The following HUWE1 variants were observed in gnomAD, a reference collection of about 807,000 sequenced individuals.
HUWE1 encodes HECT, UBA and WWE domain containing E3 ubiquitin protein ligase 1, also known as E3 ubiquitin-protein ligase HUWE1.
A neutral mutation model predicts 299.4 loss-of-function variants in HUWE1; 18 were observed. That is an observed-to-expected ratio of 0.06 (90% CI 0.04 to 0.09). The LOEUF (loss-of-function observed/expected upper bound fraction) is 0.09, where lower values mean the gene tolerates loss of function less well. Ranked by LOEUF, HUWE1 falls within the 10% of genes least tolerant of loss-of-function variation. The probability of loss-of-function intolerance (pLI) is 1.00; values close to 1 mark genes in which losing one functional copy is unlikely to be tolerated. For synonymous variants in HUWE1, 1,317 were observed against 1,286.1 expected (o/e 1.02, Z -0.51); for missense variants, 1,832 against 3,462.3 (o/e 0.53, Z 11.82).
intron 73 of HUWE1, chrX:53,542,797 G>A (rs1370335991): frequency 2.6e-6 from 1 of 378,154 alleles, no homozygotes; most frequent in South Asian, 3.4e-5. Context: ...CCAGACCTGT[G>A]ACCAGTCAGA....
intron 58 of HUWE1, 32 bp downstream of exon 58, chrX:53,558,939 A>G: frequency 8.5e-7 from 1 of 1,179,302 alleles, no homozygotes; most frequent in Non-Finnish European, 1.2e-6. Context: ...TGGAAGGCTC[A>G]CTATTGCCCT....
intron 29 of HUWE1, among the ~76,000 whole-genome samples, chrX:53,596,395 T>C (rs2064472583): frequency 8.9e-6 from 1 of 112,408 alleles, no homozygotes; most frequent in Admixed American, 9.4e-5. Flanking sequence ...TAGATACTAG[T>C]CTATTTTATC....
At chrX:53,576,120 G>C (rs971075372) in intron 44 of HUWE1, among the ~76,000 whole-genome samples, 2 of 111,767 alleles carry the variant, frequency 1.8e-5, no homozygotes, top group Non-Finnish European at 3.8e-5. Context: ...TAAGAGATAG[G>C]GTAAAGATTC....
intron 3 of HUWE1, among the ~76,000 whole-genome samples, chrX:53,664,333 G>A (rs1201940379): frequency 8.9e-6 from 1 of 112,300 alleles, no homozygotes; most frequent in African/African-American, 3.2e-5. Context: ...GATTACAGGC[G>A]TTAGCCACTG....
At chrX:53,632,364 A>G (rs1557023468) in intron 9 of HUWE1, 123 bp downstream of exon 9, 4 of 532,693 alleles carry the variant, frequency 7.5e-6, no homozygotes, top group Admixed American at 2.6e-5. Flanking sequence ...GTATATTTAT[A>G]GTTTGCGAGG....
intron 3 of HUWE1, among the ~76,000 whole-genome samples, chrX:53,679,198 T>C (rs1185271363): frequency 1.8e-5 from 2 of 110,880 alleles, no homozygotes; most frequent in Non-Finnish European, 3.8e-5. Flanking sequence ...AGACAGAACC[T>C]GCAGATTAAA....
At chrX:53,618,437 CTAGA>C (rs1464722864) in intron 19 of HUWE1, among the ~76,000 whole-genome samples, 1 of 110,345 alleles carries the variant, frequency 9.1e-6, no homozygotes, top group Non-Finnish European at 1.9e-5. Flanking sequence ...GGAGATTTAA[CTAGA>C]TACAGAAAAA....
At chrX:53,578,900 G>A (rs2063407645) in intron 43 of HUWE1, among the ~76,000 whole-genome samples, 1 of 75,027 alleles carries the variant, frequency 1.3e-5, no homozygotes, top group Non-Finnish European at 2.6e-5. Flanking sequence ...CCGGGAGGGA[G>A]GTGGGGGGAT....
chrX:53,533,228 C>T lies in HUWE1; in HGVS notation c.*81G>A, dbSNP rs2060846494. 2 of 615,827 alleles carry T rather than the reference C, an allele frequency of 3.2e-6. No homozygotes were observed. Among genetic ancestry groups the T allele is most frequent in the Non-Finnish European group, 5.4e-6 (2 of 373,114 alleles). The allele number at this position is 615,827 out of a possible 1,213,427, so 50.8% of individuals were successfully genotyped here. A position where few individuals can be genotyped will look rare whatever the true frequency, so the allele number is the denominator to read the frequency against. ...TTCATTTATTGGTTTTTGACAATTTCTTTCTGGTTCTTTTTTTAACTCCCC... is the reference window on the plus strand; with the variant it reads ...TTCATTTATTGGTTTTTGACAATTTTTTTCTGGTTCTTTTTTTAACTCCCC... On this transcript the variant is annotated 3_prime_UTR_variant, in exon 84 of 84. Coordinates refer to ENST00000262854, the MANE Select transcript of HUWE1 (RefSeq NM_031407.7).
At chrX:53,604,536 T>C in intron 26 of HUWE1, 53 bp downstream of exon 26, 1 of 1,178,863 alleles carries the variant, frequency 8.5e-7, no homozygotes, top group South Asian at 1.8e-5. Flanking sequence ...GTGTATGCCC[T>C]AGATATTTCA....
chrX:53,608,333 T>G (rs2065252810), intron 24 of HUWE1, among the ~76,000 whole-genome samples: 1 of 107,150 alleles, frequency 9.3e-6, no homozygotes, highest in South Asian at 4.3e-4. Flanking sequence ...ACCCAGGAAG[T>G]AATGGGAAAA....
In HUWE1 at chrX:53,568,894, A is replaced by G. The variant is rs782445167; in HGVS notation, c.6525-20T>C. The stretch of plus-strand genomic sequence containing the variant: ...TGAAGCCTGGGAGAGAAGTTTTGAC[A>G]TCTCTATCATATGAATATAGCCATT... On this transcript the variant is annotated intron_variant, in intron 48 of 83. Coordinates refer to ENST00000262854, the MANE Select transcript of HUWE1 (RefSeq NM_031407.7). 6.6e-5 allele frequency: 77 copies of G among 1,158,080 alleles called. 1 individual carries two copies. The Admixed American group carries it at 1.8e-3, about 28-fold the overall frequency.
Position 53,614,614 on chromosome X carries a change from A to G in HUWE1, c.2181T>C (p.Ser727=). 1.7e-6 allele frequency: 2 copies of G among 1,209,322 alleles called. No homozygotes were observed. The highest frequency in any genetic ancestry group is 2.2e-6 in the Non-Finnish European group (2 of 893,630). The part of the protein sequence containing the change: ...RSNHAAEEAS[S]EDEEEEEVQA... Reference sequence around the variant, plus strand: ...GTACTTCCTCTTCCTCCTCATCCTCACTAGAGGCTTCTTCTGCGGCATGAT... The same window carrying G: ...GTACTTCCTCTTCCTCCTCATCCTCGCTAGAGGCTTCTTCTGCGGCATGAT... Residue 727 remains serine, a synonymous_variant, in exon 23 of 84, where the codon AGT becomes AGC. Coordinates refer to ENST00000262854, the MANE Select transcript of HUWE1 (RefSeq NM_031407.7).
intron 47 of HUWE1, among the ~76,000 whole-genome samples, chrX:53,573,348 G>A (rs1217993023): frequency 9.1e-6 from 1 of 109,875 alleles, no homozygotes; most frequent in Non-Finnish European, 1.9e-5. Flanking sequence ...AGTGATTCCC[G>A]CAATCTCTGC....
rs1241199857 is a variant in HUWE1 at position 53,648,386 on chromosome X, C to G, written c.46-76G>C. The G allele has an allele frequency of 2.0e-5, 12 of 589,791 alleles. No individual in the cohort carries two copies. The Admixed American group carries it at 2.1e-4, about 10-fold the overall frequency. 48.6% of individuals were successfully genotyped at this position (589,791 alleles called of 1,213,427 possible). A position where few individuals can be genotyped will look rare whatever the true frequency, so the allele number is the denominator to read the frequency against. Reference sequence around the variant, plus strand: ...AAATAAGGAGAATCAGAAAAGGAACCCTTAAGCTCACACAGCAATTTTCCT... The same window carrying G: ...AAATAAGGAGAATCAGAAAAGGAACGCTTAAGCTCACACAGCAATTTTCCT... On this transcript the variant is annotated intron_variant, in intron 4 of 83. Coordinates refer to ENST00000262854, the MANE Select transcript of HUWE1 (RefSeq NM_031407.7).
At chrX:53,546,924 A>C in intron 68 of HUWE1, 99 bp from the exon 69 acceptor site, 1 of 1,038,505 alleles carries the variant, frequency 9.6e-7, no homozygotes, top group Non-Finnish European at 1.3e-6. Flanking sequence ...CCAGGGCTTC[A>C]AAATGGGAAA....
At chrX:53,637,310 T>TAC (rs1309804760) in intron 7 of HUWE1, among the ~76,000 whole-genome samples, 1 of 112,553 alleles carries the variant, frequency 8.9e-6, no homozygotes, top group Non-Finnish European at 1.9e-5. Context: ...ACCTAATAAG[T>TAC]ACTTCATTAC....
intron 17 of HUWE1, 125 bp from the exon 18 acceptor site, chrX:53,625,383 G>C: frequency 2.0e-6 from 1 of 502,568 alleles, no homozygotes; most frequent in South Asian, 3.0e-5. Flanking sequence ...CATTCGAAGT[G>C]AGGTCTCTGA....
In HUWE1 at chrX:53,549,193, A is replaced by G. The variant is rs1556926205; in HGVS notation, c.9801T>C (p.Arg3267=). ...KSCGSSSHEN[R]PLDLLHKMES... ...CCATCTTGTGTAGCAGGTCCAGGGG[A>G]CGGTTCTCATGGCTACTTGACCCAC... The change falls in exon 67 of 84, where the codon CGT becomes CGC. Residue 3267 remains arginine (R), a synonymous_variant. Transcript: ENST00000262854. 1 of 1,211,794 alleles carries G rather than the reference A, an allele frequency of 8.3e-7. No homozygotes were observed.
Sources: gnomAD v4.1 joint callset for allele counts (sites outside exome capture counted in the v4.1 genomes callset) on GRCh38, gnomAD v4.1.1 for gene constraint, MANE v1.5 for transcripts, NCBI Gene and HGNC (gene_info 2026-07-23, HGNC 2026-07-21) for gene names.